The following ANO4 variants were observed in gnomAD, a reference collection of about 807,000 sequenced individuals.
ANO4 encodes anoctamin 4, also known as anoctamin-4.
ANO4 carries 69 observed loss-of-function variants against 141.9 expected under a neutral mutation model. The observed-to-expected ratio is 0.49, with a 90% CI of 0.40 to 0.59. ANO4 has a LOEUF of 0.59. ANO4 is among the 20% of genes least tolerant of loss of function. The probability of loss-of-function intolerance (pLI) is 0.00; values close to 1 mark genes in which losing one functional copy is unlikely to be tolerated. For synonymous variants in ANO4, 350 were observed against 394.3 expected (o/e 0.89, Z 1.33); for missense variants, 894 against 1,162.2 (o/e 0.77, Z 3.36).
chr12:101,123,937 G>T (rs941234352), intron 26 of ANO4, among the ~76,000 whole-genome samples: 1 of 152,026 alleles, frequency 6.6e-6, no homozygotes, highest in African/African-American at 2.4e-5. Flanking sequence ...TTGGCTGCTT[G>T]TATATCTTCT....
Position 101,033,031 on chromosome 12 carries a change from G to A in ANO4, c.842-4064G>A, listed in dbSNP as rs547775076. Among the ~76,000 whole-genome samples, 24 of 152,124 alleles carry A rather than the reference G, an allele frequency of 1.6e-4. No homozygotes were observed. The Middle Eastern group carries it at 0.01, about 65-fold the overall frequency. ...ACACATGCACACGTATGTTTATTGC[G>A]GCACTATTCACAATAGCAAAGACTT... On this transcript the variant is annotated intron_variant, in intron 9 of 27. Transcript: ENST00000392977.
At chr12:100,801,512 T>C (rs927834402) in intron 1 of ANO4, among the ~76,000 whole-genome samples, 1 of 151,848 alleles carries the variant, frequency 6.6e-6, no homozygotes, top group African/African-American at 2.4e-5. Flanking sequence ...TTTTTTTTTT[T>C]TTTAAAAGCA....
chr12:101,101,161 T>C (rs1381663892), intron 22 of ANO4, among the ~76,000 whole-genome samples: 4 of 152,190 alleles, frequency 2.6e-5, no homozygotes, highest in African/African-American at 9.7e-5. Flanking sequence ...ATATTATCAA[T>C]ATCAAAGAAG....
intron 3 of ANO4, among the ~76,000 whole-genome samples, chr12:100,758,640 C>T (rs1019040175): frequency 6.6e-6 from 1 of 152,078 alleles, no homozygotes; most frequent in East Asian, 1.9e-4. Flanking sequence ...TCATATTGAC[C>T]CTGTAAAGGA....
At chr12:101,052,016 T>C (rs1041576685) in intron 14 of ANO4, among the ~76,000 whole-genome samples, 1 of 152,164 alleles carries the variant, frequency 6.6e-6, no homozygotes, top group Admixed American at 6.5e-5. Flanking sequence ...TTTCAGGAAA[T>C]TGCTAGATAT....
chr12:101,042,263 T>A, intron 11 of ANO4, 71 bp from the exon 12 acceptor site: 1 of 1,582,416 alleles, frequency 6.3e-7, no homozygotes, highest in Non-Finnish European at 8.6e-7. Flanking sequence ...GTAAAATGAC[T>A]ATACGAAGTT....
chr12:100,749,676 A>T (rs910992444), intron 3 of ANO4, among the ~76,000 whole-genome samples: 12 of 152,230 alleles, frequency 7.9e-5, no homozygotes, highest in African/African-American at 2.7e-4. Context: ...GATTTCTAAT[A>T]TAAGAGACTG....
At chr12:100,866,379 C>T (rs2038753946) in intron 1 of ANO4, among the ~76,000 whole-genome samples, 1 of 152,150 alleles carries the variant, frequency 6.6e-6, no homozygotes, top group African/African-American at 2.4e-5. Flanking sequence ...TCCACGTTCC[C>T]CTTACCTTCT....
intron 1 of ANO4, among the ~76,000 whole-genome samples, chr12:100,725,589 A>G (rs1018938171): frequency 1.6e-4 from 24 of 151,516 alleles, no homozygotes; most frequent in African/African-American, 5.6e-4. Flanking sequence ...CTTGTGATCC[A>G]CCCGCCTCGG....
chr12:100,761,754 T>C (rs1359046495), intron 3 of ANO4, among the ~76,000 whole-genome samples: 1 of 152,174 alleles, frequency 6.6e-6, no homozygotes, highest in Non-Finnish European at 1.5e-5. Context: ...TAGATGCCAG[T>C]CATGTGCCAA....
chr12:101,072,053 G>A (rs889971430), intron 14 of ANO4, among the ~76,000 whole-genome samples: 1 of 152,064 alleles, frequency 6.6e-6, no homozygotes, highest in African/African-American at 2.4e-5. Context: ...ATATTAGTTA[G>A]GATGAGTAAA....
chr12:100,806,707 G>A (rs2035077418), intron 1 of ANO4, among the ~76,000 whole-genome samples: 3 of 151,370 alleles, frequency 2.0e-5, no homozygotes, highest in Admixed American at 2.0e-4. Flanking sequence ...ACCATGCCCA[G>A]CTAATTTTTG....
chr12:100,792,284 G>A (rs889077462), upstream of ANO4, among the ~76,000 whole-genome samples: 7 of 152,142 alleles, frequency 4.6e-5, no homozygotes, highest in Non-Finnish European at 1.0e-4. Flanking sequence ...TAAATAAGTG[G>A]CAGATACAGG....
chr12:100,995,464 G>A (rs1388582858), intron 8 of ANO4, among the ~76,000 whole-genome samples: 1 of 152,202 alleles, frequency 6.6e-6, no homozygotes, highest in African/African-American at 2.4e-5. Context: ...GACGTGGTCT[G>A]ACTTAACTTT....
At chr12:101,000,717 C>T (rs2045599736) in intron 8 of ANO4, among the ~76,000 whole-genome samples, 1 of 152,146 alleles carries the variant, frequency 6.6e-6, no homozygotes, top group South Asian at 2.1e-4. Context: ...ATTTGTGCTT[C>T]TCAAGATCAT....
intron 1 of ANO4, among the ~76,000 whole-genome samples, chr12:100,721,422 A>G (rs2030861112): frequency 6.6e-6 from 1 of 152,148 alleles, no homozygotes; most frequent in African/African-American, 2.4e-5. Flanking sequence ...CTGGAGGAGG[A>G]GATTGGGAGA....
At chr12:100,892,962 A>T (rs1417021623) in intron 1 of ANO4, among the ~76,000 whole-genome samples, 4 of 152,094 alleles carry the variant, frequency 2.6e-5, no homozygotes, top group African/African-American at 9.7e-5. Flanking sequence ...TGAGCTAGGC[A>T]TTGTGATAGG....
intron 22 of ANO4, among the ~76,000 whole-genome samples, chr12:101,102,547 G>T (rs576478521): frequency 6.6e-6 from 1 of 151,834 alleles, no homozygotes; most frequent in South Asian, 2.1e-4. Context: ...TTTTTTGTGG[G>T]TATCTGTCTT....
intron 1 of ANO4, among the ~76,000 whole-genome samples, chr12:100,819,750 A>C (rs556913846): frequency 6.6e-6 from 1 of 152,068 alleles, no homozygotes; most frequent in East Asian, 1.9e-4. Flanking sequence ...TTGTTGACAA[A>C]ATTTTTTTTA....
Sources: gnomAD v4.1 joint callset for allele counts (sites outside exome capture counted in the v4.1 genomes callset) on GRCh38, gnomAD v4.1.1 for gene constraint, MANE v1.5 for transcripts, NCBI Gene and HGNC (gene_info 2026-07-23, HGNC 2026-07-21) for gene names.